The following MTHFD2L variants were observed in gnomAD, a reference collection of about 807,000 sequenced individuals.
The protein encoded by MTHFD2L is bifunctional methylenetetrahydrofolate dehydrogenase/cyclohydrolase 2, mitochondrial.
MTHFD2L carries 29 observed loss-of-function variants against 34.9 expected under a neutral mutation model. The ratio of observed to expected loss-of-function variants is 0.83; its 90% CI spans 0.62 to 1.13. MTHFD2L has a LOEUF of 1.13. MTHFD2L is among the 50% of genes most tolerant of loss of function. The pLI, the probability that MTHFD2L is intolerant of heterozygous loss-of-function variation, is 0.00. For synonymous variants in MTHFD2L, 167 were observed against 155.7 expected (o/e 1.07, Z -0.54); for missense variants, 481 against 446.5 (o/e 1.08, Z -0.70).
intron 5 of MTHFD2L, among the ~76,000 whole-genome samples, chr4:74,223,290 A>G (rs1031149019): frequency 6.6e-6 from 1 of 152,062 alleles, no homozygotes; most frequent in African/African-American, 2.4e-5. Flanking sequence ...CTATGCAGCT[A>G]TAAAAAAGAA....
intron 1 of MTHFD2L, among the ~76,000 whole-genome samples, chr4:74,151,722 G>A (rs541162617): frequency 1.3e-5 from 2 of 152,084 alleles, no homozygotes; most frequent in Non-Finnish European, 2.9e-5. Context: ...ATTTTATTGG[G>A]TATTGGATTA....
chr4:74,169,065 A>G (rs1041416404), intron 1 of MTHFD2L, among the ~76,000 whole-genome samples: 2 of 152,150 alleles, frequency 1.3e-5, no homozygotes, highest in African/African-American at 4.8e-5. Context: ...ACGGTGACTG[A>G]TGGAGTCAGT....
At chr4:74,163,250 T>A (rs1332733764) in intron 1 of MTHFD2L, among the ~76,000 whole-genome samples, 3 of 152,224 alleles carry the variant, frequency 2.0e-5, no homozygotes, top group Admixed American at 6.5e-5. Flanking sequence ...TAGATCCTGT[T>A]ATTTAATACT....
intron 6 of MTHFD2L, among the ~76,000 whole-genome samples, chr4:74,254,474 A>G (rs980788146): frequency 6.6e-6 from 1 of 152,102 alleles, no homozygotes; most frequent in African/African-American, 2.4e-5. Flanking sequence ...AGAGAGTGTC[A>G]TGGTATATTC....
At chr4:74,252,840 T>G (rs1008776318) in intron 6 of MTHFD2L, among the ~76,000 whole-genome samples, 1 of 152,054 alleles carries the variant, frequency 6.6e-6, no homozygotes, top group Admixed American at 6.5e-5. Context: ...GGGAAATCAC[T>G]GATCACAAAG....
intron 1 of MTHFD2L, among the ~76,000 whole-genome samples, chr4:74,163,139 CTAATA>C (rs1725824433): frequency 6.6e-6 from 1 of 151,964 alleles, no homozygotes; most frequent in Non-Finnish European, 1.5e-5. Context: ...ATGTGACTTG[CTAATA>C]TAATTTACAG....
At chr4:74,277,181 A>C (rs1200753163) in intron 6 of MTHFD2L, among the ~76,000 whole-genome samples, 1 of 150,736 alleles carries the variant, frequency 6.6e-6, no homozygotes, top group African/African-American at 2.5e-5. Context: ...ACAGATATGC[A>C]GCAAGAATAA....
rs1252997368 is a variant in MTHFD2L at position 74,248,472 on chromosome 4, C to CT, written c.805+23079dup. Among the ~76,000 whole-genome samples, 154 of 151,416 alleles carry CT rather than the reference C, an allele frequency of 1.0e-3. 1 individual carries two copies. The highest frequency in any genetic ancestry group is 2.6e-3 in the African/African-American group (106 of 41,372). ...ATTTTTTGAAGGGTTTTTTGTGTCT[C>CT]TATTTCCTTCAGTTCTGCTCTGATT... On this transcript the variant is annotated intron_variant, in intron 6 of 7. Transcript: ENST00000325278.
At chr4:74,210,700 A>G (rs1178233409) in intron 5 of MTHFD2L, among the ~76,000 whole-genome samples, 2 of 148,878 alleles carry the variant, frequency 1.3e-5, no homozygotes, top group East Asian at 2.0e-4. Flanking sequence ...CATATGAAAT[A>G]TATTTTTTTC....
intron 5 of MTHFD2L, among the ~76,000 whole-genome samples, chr4:74,217,479 TGA>T (rs951498772): frequency 6.6e-6 from 1 of 151,920 alleles, no homozygotes; most frequent in African/African-American, 2.4e-5. Flanking sequence ...GCATGATTAC[TGA>T]GTTTTCCTTC....
chr4:74,246,380 C>T, intron 6 of MTHFD2L, among the ~76,000 whole-genome samples: 1 of 151,452 alleles, frequency 6.6e-6, no homozygotes, highest in Admixed American at 6.6e-5. Flanking sequence ...GGATATTGGC[C>T]CTTTGTCAGA....
intron 6 of MTHFD2L, among the ~76,000 whole-genome samples, chr4:74,232,074 T>A (rs961720599): frequency 6.6e-6 from 1 of 152,196 alleles, no homozygotes; most frequent in East Asian, 1.9e-4. Flanking sequence ...AAATGATAAA[T>A]CAGTTGATTA....
At chr4:74,267,234 C>T (rs897946234) in intron 6 of MTHFD2L, 1 of 985,080 alleles carries the variant, frequency 1.0e-6, no homozygotes, top group African/African-American at 1.7e-5. Flanking sequence ...CTCCTCATTC[C>T]CCAAGTGCAT....
At chr4:74,267,684 C>T (rs2110238364) in intron 6 of MTHFD2L, 1 of 983,278 alleles carries the variant, frequency 1.0e-6, no homozygotes, top group East Asian at 1.1e-4. Flanking sequence ...ATCCTCCCAC[C>T]TTGGCCTCTT....
chr4:74,160,947 A>G (rs1391777444), intron 1 of MTHFD2L: 1 of 152,222 alleles, frequency 6.6e-6, no homozygotes, highest in Non-Finnish European at 1.5e-5. Context: ...TGAACTACTT[A>G]TTTTAATTAA....
Position 74,281,463 on chromosome 4 carries a change from G to C in MTHFD2L, c.844G>C (p.Gly282Arg). ...KLITSDMVKE[G>R]AAVIDVGINY... ...GATTACGTCTGATATGGTTAAAGAA[G>C]GTGCTGCTGTAATTGATGTGGGTAT... Residue 282 changes from glycine (G) to arginine (R), a missense_variant, in exon 7 of 8, where the codon GGT becomes CGT. Physicochemically the swap from Gly to Arg is moderately radical, Grantham distance 125 (BLOSUM62 -2). Transcript: ENST00000325278. 6.2e-7 allele frequency: 1 copy of C among 1,612,596 alleles called. No homozygotes were observed. The highest frequency in any genetic ancestry group is 8.5e-7 in the Non-Finnish European group (1 of 1,179,154).
At chr4:74,149,715 C>T (rs1379339280) in intron 1 of MTHFD2L, among the ~76,000 whole-genome samples, 1 of 152,148 alleles carries the variant, frequency 6.6e-6, no homozygotes, top group African/African-American at 2.4e-5. Flanking sequence ...CTAATTCCCA[C>T]GTTGTGTGGT....
chr4:74,149,908 G>C (rs1192971134), intron 1 of MTHFD2L, among the ~76,000 whole-genome samples: 2 of 152,200 alleles, frequency 1.3e-5, no homozygotes, highest in African/African-American at 4.8e-5. Flanking sequence ...GTAACTTTGA[G>C]ATATGGATAT....
chr4:74,247,154 T>C (rs1280347574), intron 6 of MTHFD2L, among the ~76,000 whole-genome samples: 1 of 151,426 alleles, frequency 6.6e-6, no homozygotes, highest in Non-Finnish European at 1.5e-5. Context: ...TTTTATTTCA[T>C]TGAGCAGTGG....
Sources: gnomAD v4.1 joint callset for allele counts (sites outside exome capture counted in the v4.1 genomes callset) on GRCh38, gnomAD v4.1.1 for gene constraint, MANE v1.5 for transcripts, NCBI Gene and HGNC (gene_info 2026-07-23, HGNC 2026-07-21) for gene names.